The following KIF26B variants were observed in gnomAD, a reference collection of about 807,000 sequenced individuals.
KIF26B encodes the protein kinesin-like protein KIF26B.
Under a neutral mutation model 151.2 loss-of-function variants are expected in KIF26B, and 63 were observed. The ratio of observed to expected loss-of-function variants is 0.42; its 90% CI spans 0.34 to 0.51. The LOEUF (loss-of-function observed/expected upper bound fraction) is 0.51. Ranked by LOEUF, KIF26B falls within the 20% of genes least tolerant of loss-of-function variation. The pLI, the probability that KIF26B is intolerant of heterozygous loss-of-function variation, is 0.07. For missense variants in KIF26B, 2,813 were observed against 2,913.6 expected (o/e 0.97, Z 0.79); for synonymous variants, 1,357 against 1,262.1 (o/e 1.08, Z -1.59).
rs930364343 is a variant in KIF26B, at chr1:245,271,071, G to T, written c.466-95763G>T. Among the ~76,000 whole-genome samples, 4 of 152,078 alleles carry T rather than the reference G, an allele frequency of 2.6e-5. No individual in the cohort carries two copies. In the East Asian group the frequency reaches 7.7e-4, roughly 29 times the overall value. On this transcript the variant is annotated intron_variant, in intron 2 of 14. Transcript: ENST00000407071. ...AAGATCATTTCTCTGTGTATATGTGGGTTTACTTCTGATCTCTCTATTCTG... is the reference window on the plus strand; with the variant it reads ...AAGATCATTTCTCTGTGTATATGTGTGTTTACTTCTGATCTCTCTATTCTG...
intron 2 of KIF26B, among the ~76,000 whole-genome samples, chr1:245,197,815 G>T (rs1669221295): frequency 6.6e-6 from 1 of 152,110 alleles, no homozygotes; most frequent in Non-Finnish European, 1.5e-5. Flanking sequence ...CCATATAGAC[G>T]ACAACTAGGC....
intron 2 of KIF26B, among the ~76,000 whole-genome samples, chr1:245,215,334 G>A (rs980011029): frequency 2.0e-5 from 3 of 152,128 alleles, no homozygotes; most frequent in African/African-American, 7.2e-5. Context: ...CCTTCACCGT[G>A]CTATTGGGAG....
At chr1:245,297,998 T>C (rs1025788635) in intron 2 of KIF26B, among the ~76,000 whole-genome samples, 3 of 152,198 alleles carry the variant, frequency 2.0e-5, no homozygotes, top group African/African-American at 7.2e-5. Context: ...GTGATTCTCC[T>C]GCCTCAGCCT....
intron 9 of KIF26B, chr1:245,615,040 T>C (rs899149596): frequency 3.9e-5 from 6 of 151,908 alleles, no homozygotes; most frequent in African/African-American, 7.3e-5. Flanking sequence ...GACAGCACAA[T>C]TGCATCCACA....
At chr1:245,303,463 G>A (rs905274773) in intron 2 of KIF26B, among the ~76,000 whole-genome samples, 3 of 150,974 alleles carry the variant, frequency 2.0e-5, no homozygotes, top group Admixed American at 1.3e-4. Context: ...CTCCCAAAGT[G>A]CTGGGATTAC....
At position 245,211,579 on chromosome 1, in the gene KIF26B, G is replaced by A. The variant is rs1046762898; in HGVS notation, c.465+54896G>A. Among the ~76,000 whole-genome samples, 17 of 151,880 alleles carry A rather than the reference G, an allele frequency of 1.1e-4. 1 individual carries two copies. Among genetic ancestry groups the A allele is most frequent in the African/African-American group, 3.1e-4 (13 of 41,322 alleles). On this transcript the variant is annotated intron_variant, in intron 2 of 14. Transcript: ENST00000407071. ...AGCCTGACTCATTTCTTTACTTTTT[G>A]TAGAGATGGGGTCTTGCTGTGTTGC...
chr1:245,317,232 C>A (rs1171738877), intron 2 of KIF26B, among the ~76,000 whole-genome samples: 1 of 152,164 alleles, frequency 6.6e-6, no homozygotes, highest in Non-Finnish European at 1.5e-5. Context: ...GCTAAGGTCC[C>A]TTCTTAGAAA....
In KIF26B at chr1:245,478,052, A is replaced by G. The variant is rs139490911; in HGVS notation, c.1166+58307A>G. On this transcript the variant is annotated intron_variant, in intron 4 of 14. Transcript: ENST00000407071. ...ACATTCTGGCTCTACGGACTTGCCT[A>G]TTCTGGACATTTCATATTAATGGAA... 7.9e-5 allele frequency among the ~76,000 whole-genome samples: 12 copies of G among 151,878 alleles called. No individual in the cohort carries two copies. In the East Asian group the frequency reaches 2.1e-3, roughly 27 times the overall value.
intron 9 of KIF26B, among the ~76,000 whole-genome samples, chr1:245,623,637 C>A (rs2103165720): frequency 6.6e-6 from 1 of 152,302 alleles, no homozygotes; most frequent in South Asian, 2.1e-4. Flanking sequence ...GTAGAAAATT[C>A]TACATCTGAC....
chr1:245,643,109 T>C (rs1052687858), intron 9 of KIF26B, among the ~76,000 whole-genome samples: 1 of 152,356 alleles, frequency 6.6e-6, no homozygotes, highest in East Asian at 1.9e-4. Context: ...ATTGTTTATT[T>C]CTATTTGAAG....
chr1:245,529,047 C>T (rs942938766), intron 4 of KIF26B, among the ~76,000 whole-genome samples: 4 of 152,188 alleles, frequency 2.6e-5, no homozygotes, highest in Admixed American at 6.5e-5. Flanking sequence ...AGTCCTCAAC[C>T]TTCTCTTGGG....
At chr1:245,475,836 G>C (rs1353645342) in intron 4 of KIF26B, among the ~76,000 whole-genome samples, 1 of 151,788 alleles carries the variant, frequency 6.6e-6, no homozygotes, top group Non-Finnish European at 1.5e-5. Context: ...CAGCCGCTGT[G>C]GCACAGTCTG....
chr1:245,363,277 A>G (rs1423631467), intron 2 of KIF26B, among the ~76,000 whole-genome samples: 3 of 152,082 alleles, frequency 2.0e-5, no homozygotes, highest in African/African-American at 7.2e-5. Flanking sequence ...GCTCACTGCA[A>G]CCTCTGCCTC....
chr1:245,607,919 G>C (rs12063263), intron 7 of KIF26B, among the ~76,000 whole-genome samples, 175 bp downstream of exon 7: 67 of 152,326 alleles, frequency 4.4e-4, no homozygotes, highest in African/African-American at 1.5e-3. Flanking sequence ...TTCATTGTAG[G>C]TGGACACCCA....
chr1:245,502,027 A>G (rs1451967401), intron 4 of KIF26B, among the ~76,000 whole-genome samples: 2 of 152,226 alleles, frequency 1.3e-5, no homozygotes, highest in African/African-American at 2.4e-5. Context: ...AGCAAACACC[A>G]GACCTGTAGT....
chr1:245,476,394 T>G (rs942738610), intron 4 of KIF26B, among the ~76,000 whole-genome samples: 1 of 151,858 alleles, frequency 6.6e-6, no homozygotes, highest in African/African-American at 2.4e-5. Flanking sequence ...ATACTTATGG[T>G]GAGCTTTATG....
chr1:245,517,500 A>G (rs1660994698), intron 4 of KIF26B, among the ~76,000 whole-genome samples: 3 of 152,246 alleles, frequency 2.0e-5, no homozygotes, highest in Admixed American at 2.0e-4. Flanking sequence ...TCAACAGTTT[A>G]ATATGAAAAT....
At chr1:245,640,143 C>CTCTCTCTCTCTCTATATATATATATA in intron 9 of KIF26B, among the ~76,000 whole-genome samples, 1 of 31,920 alleles carries the variant, frequency 3.1e-5, no homozygotes, top group African/African-American at 1.4e-4. Flanking sequence ...CTCTCTCTCT[C>CTCTCTCTCTCTCTATATATATATATA]TATATATATA....
chr1:245,401,610 T>C (rs1023126365), intron 3 of KIF26B, among the ~76,000 whole-genome samples: 11 of 152,234 alleles, frequency 7.2e-5, no homozygotes, highest in African/African-American at 2.7e-4. Flanking sequence ...GGCTCACGCC[T>C]GTAATCCCAG....
Sources: gnomAD v4.1 joint callset for allele counts (sites outside exome capture counted in the v4.1 genomes callset) on GRCh38, gnomAD v4.1.1 for gene constraint, MANE v1.5 for transcripts, NCBI Gene and HGNC (gene_info 2026-07-23, HGNC 2026-07-21) for gene names.